Variants in GALNT17 observed in about 807,000 individuals in gnomAD.
The protein encoded by GALNT17 is UDP-GalNAc:polypeptide N-acetylgalactosaminyltransferase-like 3.
GALNT17 carries 29 observed loss-of-function variants against 63.7 expected under a neutral mutation model. The ratio of observed to expected loss-of-function variants is 0.46; its 90% confidence interval spans 0.34 to 0.62. The LOEUF is 0.62. Among genes scored for constraint, GALNT17 ranks in the 20% least tolerant of loss-of-function variants. The pLI is 0.01. For missense variants in GALNT17, 603 were observed against 799.6 expected, an observed-to-expected ratio of 0.75 and a Z score of 2.97; for synonymous variants, 305 against 318.3, an observed-to-expected ratio of 0.96 and a Z score of 0.45.
intron 5 of GALNT17, among the ~76,000 whole-genome samples, chr7:71,478,271 G>A (rs1246175188): frequency 6.6e-6 from 1 of 152,066 alleles, no homozygotes; most frequent in Admixed American, 6.6e-5. Context: ...CTCTCCTTAT[G>A]TTTGGAGGAG....
intron 1 of GALNT17, among the ~76,000 whole-genome samples, chr7:71,318,934 A>G (rs139023171): frequency 0.012 from 1,811 of 152,172 alleles, 21 homozygotes; most frequent in Non-Finnish European, 0.019. Flanking sequence ...CCACATCCCC[A>G]TTGTACGCAT....
chr7:71,280,408 C>T (rs78399349), intron 1 of GALNT17, among the ~76,000 whole-genome samples: 3,341 of 152,194 alleles, frequency 0.022, 116 homozygotes, highest in African/African-American at 0.073. Context: ...TGTCACTATG[C>T]CATCCTACCT....
At chr7:71,584,088 C>T (rs1380576126) in intron 6 of GALNT17, among the ~76,000 whole-genome samples, 6 of 152,136 alleles carry the variant, frequency 3.9e-5, no homozygotes, top group Non-Finnish European at 8.8e-5. Context: ...GCCAAGGTTG[C>T]GCCACTGCAC....
At chr7:71,345,675 C>G (rs1376358743) in intron 2 of GALNT17, among the ~76,000 whole-genome samples, 1 of 152,072 alleles carries the variant, frequency 6.6e-6, no homozygotes, top group Non-Finnish European at 1.5e-5. Context: ...GCATGTGACT[C>G]GTATGTGTAT....
At chr7:71,425,503 T>TGA (rs1786743849) in intron 5 of GALNT17, among the ~76,000 whole-genome samples, 1 of 152,172 alleles carries the variant, frequency 6.6e-6, no homozygotes, top group Non-Finnish European at 1.5e-5. Context: ...ATTACAGGCG[T>TGA]GAGCCACTGC....
At chr7:71,653,714 A>G (rs532838704) in intron 6 of GALNT17, among the ~76,000 whole-genome samples, 38 of 152,070 alleles carry the variant, frequency 2.5e-4, no homozygotes, top group African/African-American at 9.2e-4. Flanking sequence ...GCCAAAAAGT[A>G]GGACATCTTG....
intron 2 of GALNT17, among the ~76,000 whole-genome samples, chr7:71,349,222 C>T (rs965608131): frequency 1.3e-5 from 2 of 152,138 alleles, no homozygotes; most frequent in African/African-American, 4.8e-5. Flanking sequence ...GAGAGAACCA[C>T]GGTGCTTTCG....
chr7:71,502,848 AG>A (rs1163101739), intron 5 of GALNT17, among the ~76,000 whole-genome samples: 1 of 152,234 alleles, frequency 6.6e-6, no homozygotes, highest in Non-Finnish European at 1.5e-5. Flanking sequence ...TGTGTTCCAC[AG>A]CATGAAGTTG....
intron 6 of GALNT17, among the ~76,000 whole-genome samples, chr7:71,607,184 G>A (rs1790059742): frequency 6.6e-6 from 1 of 152,070 alleles, no homozygotes; most frequent in South Asian, 2.1e-4. Flanking sequence ...AGAAAAAAAG[G>A]AAAATACAAA....
At chr7:71,422,360 A>G (rs1786681975) in intron 5 of GALNT17, among the ~76,000 whole-genome samples, 2 of 152,216 alleles carry the variant, frequency 1.3e-5, no homozygotes, top group Non-Finnish European at 2.9e-5. Context: ...GGACCATACA[A>G]GAATCCAGGA....
intron 1 of GALNT17, among the ~76,000 whole-genome samples, chr7:71,244,666 T>G (rs17521861): frequency 0.58 from 88,270 of 152,042 alleles, 26,361 homozygotes; most frequent in East Asian, 0.85. Context: ...CCATTCCCAA[T>G]ACTTGGATTA....
intron 5 of GALNT17, among the ~76,000 whole-genome samples, chr7:71,442,913 C>T (rs11762965): frequency 0.028 from 4,245 of 152,176 alleles, 90 homozygotes; most frequent in Non-Finnish European, 0.04. Flanking sequence ...GTTTAACTTC[C>T]GTGCATGAAG....
At chr7:71,356,838 G>T (rs2116210015) in intron 2 of GALNT17, among the ~76,000 whole-genome samples, 1 of 152,258 alleles carries the variant, frequency 6.6e-6, no homozygotes, top group Admixed American at 6.5e-5. Context: ...CTGGAGTACA[G>T]TGGCACCATC....
At chr7:71,549,475 G>A (rs777199448) in intron 5 of GALNT17, among the ~76,000 whole-genome samples, 7 of 152,102 alleles carry the variant, frequency 4.6e-5, no homozygotes, top group Admixed American at 2.0e-4. Context: ...GGCTGAGGCC[G>A]GAGGATTGAG....
At chr7:71,414,369 A>G (rs1221988541) in intron 3 of GALNT17, among the ~76,000 whole-genome samples, 1 of 152,232 alleles carries the variant, frequency 6.6e-6, no homozygotes, top group Non-Finnish European at 1.5e-5. Flanking sequence ...TAGATTTACC[A>G]TTTATTGAAT....
chr7:71,575,532 G>A (rs1282840246), intron 6 of GALNT17, among the ~76,000 whole-genome samples: 1 of 151,974 alleles, frequency 6.6e-6, no homozygotes, highest in Non-Finnish European at 1.5e-5. Context: ...GGGACTACAG[G>A]TGCCTGCCAC....
At chr7:71,248,228 G>C (rs1430390641) in intron 1 of GALNT17, among the ~76,000 whole-genome samples, 1 of 152,200 alleles carries the variant, frequency 6.6e-6, no homozygotes, top group African/African-American at 2.4e-5. Context: ...ATAAAACCAT[G>C]AGATCTCGTG....
At chr7:71,150,870 G>T (rs774358154) in intron 1 of GALNT17, among the ~76,000 whole-genome samples, 1 of 151,582 alleles carries the variant, frequency 6.6e-6, no homozygotes, top group Admixed American at 6.6e-5. Context: ...GCCAGGCCCG[G>T]TAGTGTGTGC....
chr7:71,241,146 G>A (rs1789988898), intron 1 of GALNT17, among the ~76,000 whole-genome samples: 1 of 152,194 alleles, frequency 6.6e-6, no homozygotes, highest in Non-Finnish European at 1.5e-5. Flanking sequence ...ATCATACTTG[G>A]AATATTCTAA....
Sources: allele counts gnomAD v4.1 joint callset (sites outside exome capture counted in the v4.1 genomes callset), GRCh38; gene constraint gnomAD v4.1.1; transcripts MANE v1.5; gene names NCBI Gene and HGNC (gene_info 2026-07-23, HGNC 2026-07-21).